ESPN: variants seen among roughly 807,000 people sequenced by gnomAD.
ESPN encodes the protein autosomal recessive deafness type 36 protein.
In ESPN, 68 loss-of-function variants were observed where a neutral mutation model predicts 77.7. The ratio of observed to expected loss-of-function variants is 0.87; its 90% confidence interval spans 0.72 to 1.07. The LOEUF (loss-of-function observed/expected upper bound fraction) is 1.07, where lower values mean the gene tolerates loss of function less well. ESPN is among the 50% of genes least tolerant of loss of function. ESPN has a pLI of 0.00. For missense variants in ESPN, 1,060 were observed against 1,239.0 expected, an observed-to-expected ratio of 0.86 and a Z score of 2.17; for synonymous variants, 449 against 567.1, an observed-to-expected ratio of 0.79 and a Z score of 2.96.
Position 6,424,998 on chromosome 1 carries a change from C to G in ESPN, c.43C>G (p.Leu15Val). Residue 15 changes from leucine (L) to valine (V), a missense_variant, in exon 1 of 13, where the codon CTG becomes GTG. Physicochemically the swap from Leu to Val is conservative, Grantham distance 32. This residue lies in a region of ESPN where 556 missense variants were observed against 633.6 expected (regional missense o/e 0.88). Transcript: ENST00000645284. Reference sequence around the variant, plus strand: ...GCTGCAGGCGGCGCGGCAGGGCGAGCTGGACGTGCTGAGGTCGCTGCACGC... The same window carrying G: ...GCTGCAGGCGGCGCGGCAGGGCGAGGTGGACGTGCTGAGGTCGCTGCACGC... The part of the protein sequence containing the change: ...QALQAARQGE[L>V]DVLRSLHAAG... The G allele has an allele frequency of 1.4e-6, 2 of 1,463,226 alleles. No individual in the cohort carries two copies. The highest frequency in any genetic ancestry group is 1.8e-6 in the Non-Finnish European group (2 of 1,113,096). The allele number at this position is 1,463,226 out of a possible 1,614,324, so 90.6% of individuals were successfully genotyped here.
intron 10 of ESPN, chr1:6,454,355 A>C (rs1258346685): frequency 5.0e-6 from 2 of 398,486 alleles, no homozygotes; most frequent in African/African-American, 4.1e-5. Flanking sequence ...GGGACATGCA[A>C]AAGGCTCCCG....
rs1394345093 is a variant in ESPN at position 6,447,188 on chromosome 1, G to A, written c.1464+1253G>A. Reference sequence around the variant, plus strand: ...CTCCGGGCTGTGTGCGCCCCTCCCGGCTGTGTGCGCCCCTCCCCACTGTGT... The same window carrying A: ...CTCCGGGCTGTGTGCGCCCCTCCCGACTGTGTGCGCCCCTCCCCACTGTGT... On this transcript the variant is annotated intron_variant, in intron 7 of 12. Coordinates refer to ENST00000645284, the MANE Select transcript of ESPN (RefSeq NM_031475.3). The surrounding 1 kb of genome is among the most constrained non-coding windows in gnomAD (Gnocchi z 5.2). 1 of 153,182 alleles carries A rather than the reference G, an allele frequency of 6.5e-6. No individual in the cohort carries two copies. The highest frequency in any genetic ancestry group is 1.9e-4 in the East Asian group (1 of 5,194). The allele number at this position is 153,182 out of a possible 1,614,324, so 9.5% of individuals were successfully genotyped here.
intron 3 of ESPN, 90 bp downstream of exon 3, chr1:6,440,530 C>T (rs1236838412): frequency 7.8e-5 from 13 of 166,232 alleles, no homozygotes; most frequent in Admixed American, 2.8e-4. Flanking sequence ...AGGGGTGGGG[C>T]GGGGGGGCGG....
chr1:6,447,881 G>C lies in ESPN; in HGVS notation c.1465-760G>C, dbSNP rs914772799. 3.3e-5 allele frequency among the ~76,000 whole-genome samples: 5 copies of C among 152,332 alleles called. No individual in the cohort carries two copies. Among genetic ancestry groups the C allele is most frequent in the South Asian group, 2.1e-4 (1 of 4,828 alleles). ...GGCGGGGTCACATCTGGCCGGGGAC[G>C]GGTGCAGAGCCGCGGCCAGGTGTGG... On this transcript the variant is annotated intron_variant, in intron 7 of 12. Transcript: ENST00000645284. This position sits in a 1 kb window ranked among gnomAD's most constrained non-coding sequence, Gnocchi z 5.2.
At chr1:6,435,016 TTGCAGGCAAC>T (rs1334844621) in intron 2 of ESPN, among the ~76,000 whole-genome samples, 1 of 150,494 alleles carries the variant, frequency 6.6e-6, no homozygotes, top group East Asian at 2.0e-4. Context: ...GCTGGGAGAG[TTGCAGGCAAC>T]TGTAGGCTTC....
At chr1:6,452,480 A>G (rs1251382599) in intron 10 of ESPN, among the ~76,000 whole-genome samples, 2 of 152,128 alleles carry the variant, frequency 1.3e-5, no homozygotes, top group Non-Finnish European at 2.9e-5. Context: ...GCAGGGTGGT[A>G]CAACCCTGTT....
Position 6,427,653 on chromosome 1 carries a change from G to A in ESPN, c.295-573G>A, listed in dbSNP as rs116639344. Among the ~76,000 whole-genome samples, 1,833 of 152,332 alleles carry A rather than the reference G, an allele frequency of 0.012. 40 individuals are homozygous for A. Among genetic ancestry groups the A allele is most frequent in the African/African-American group, 0.042 (1,737 of 41,568 alleles). ...TGGCGAGTCTGCTGGGGGAGGGGCC[G>A]GTTTTCTGCACTGAGGTTGGGTTCC... On this transcript the variant is annotated intron_variant, in intron 1 of 12. Coordinates refer to ENST00000645284, the MANE Select transcript of ESPN (RefSeq NM_031475.3). This position sits in a 1 kb window ranked among gnomAD's most constrained non-coding sequence, Gnocchi z 4.6.
chr1:6,431,562 C>T (rs199853980), intron 2 of ESPN, among the ~76,000 whole-genome samples: 7 of 127,796 alleles, frequency 5.5e-5, no homozygotes, highest in Admixed American at 9.4e-5. Flanking sequence ...ACCAGGGAGG[C>T]GGAGGTTGCA....
chr1:6,455,500 G>C (rs919837930), intron 10 of ESPN: 3 of 397,822 alleles, frequency 7.5e-6, no homozygotes, highest in Non-Finnish European at 1.3e-5. Context: ...CAGGCGGTGG[G>C]CAAGCTGCTG....
In ESPN at chr1:6,432,818, G is replaced by T. The variant is rs902797081; in HGVS notation, c.488+4399G>T. 2.6e-5 allele frequency among the ~76,000 whole-genome samples: 4 copies of T among 152,198 alleles called. No homozygotes were observed. The South Asian group carries it at 8.3e-4, about 31-fold the overall frequency. On this transcript the variant is annotated intron_variant, in intron 2 of 12. Coordinates refer to ENST00000645284, the MANE Select transcript of ESPN (RefSeq NM_031475.3). ...GGCCTTCACCCGTCCATGTCCACCCGCAGCCTTTGAAAACACAAGTCCTGC... is the reference window on the plus strand; with the variant it reads ...GGCCTTCACCCGTCCATGTCCACCCTCAGCCTTTGAAAACACAAGTCCTGC...
rs777181136 is a variant in ESPN, at chr1:6,460,079, A to C, written c.2498A>C (p.Asp833Ala). The C allele has an allele frequency of 1.2e-6, 2 of 1,613,504 alleles. No homozygotes were observed. Among genetic ancestry groups the C allele is most frequent in the Non-Finnish European group, 1.7e-6 (2 of 1,180,028 alleles). ...QSEKLRTLGY[D>A]ESKLAPWQRQ... The stretch of plus-strand genomic sequence containing the variant: ...GAGAAGCTGCGGACGCTGGGCTACG[A>C]TGAGAGCAAGCTGGCGCCCTGGCAG... Residue 833 changes from aspartate to alanine, a missense_variant, in exon 13 of 13, where the codon GAT becomes GCT. Physicochemically the swap from Asp to Ala is moderately radical, Grantham distance 126. Transcript: ENST00000645284.
chr1:6,459,866 G>A, intron 12 of ESPN, 133 bp from the exon 13 acceptor site: 1 of 1,063,104 alleles, frequency 9.4e-7, no homozygotes, highest in Non-Finnish European at 1.4e-6. Context: ...CAGCAACCGA[G>A]CCCCAGCCCT....
At position 6,450,933 on chromosome 1, in the gene ESPN, A is replaced by G. The variant is rs1643933021; in HGVS notation, c.1916-670A>G. 6.6e-6 allele frequency among the ~76,000 whole-genome samples: 1 copy of G among 152,070 alleles called. No individual in the cohort carries two copies. On this transcript the variant is annotated intron_variant, in intron 8 of 12. Transcript: ENST00000645284. This position sits in a 1 kb window ranked among gnomAD's most constrained non-coding sequence, Gnocchi z 4.3. ...CACACTCTGCCCTGGGTGTTTCCAT[A>G]TTATCCGCCTGCCCTTCCTCCTGGG...
rs1432995307 is a variant in ESPN at position 6,427,250 on chromosome 1, T to C, written c.295-976T>C. Among the ~76,000 whole-genome samples, 1 of 152,042 alleles carries C rather than the reference T, an allele frequency of 6.6e-6. No individual in the cohort carries two copies. The highest frequency in any genetic ancestry group is 2.4e-5 in the African/African-American group (1 of 41,402). On this transcript the variant is annotated intron_variant, in intron 1 of 12. Coordinates refer to ENST00000645284, the MANE Select transcript of ESPN (RefSeq NM_031475.3). This position sits in a 1 kb window ranked among gnomAD's most constrained non-coding sequence, Gnocchi z 4.6. ...CAGAACCCTGCCCACCCCTCTGTCATCCTATGTGCTTGGTGCTGGGAGGTG... is the reference window on the plus strand; with the variant it reads ...CAGAACCCTGCCCACCCCTCTGTCACCCTATGTGCTTGGTGCTGGGAGGTG...
rs1025386969 is a variant in ESPN, at chr1:6,455,151, A to ACCCTGGGCC, written c.2326-2031_2326-2023dup. On this transcript the variant is annotated intron_variant, in intron 10 of 12. Transcript: ENST00000645284. ...GCTGGTCGACTGGGAGCCCCTGGGC[A>ACCCTGGGCC]CCCTGGGCCCGCCCGAGGTACAGGA... 30 of 388,314 alleles carry ACCCTGGGCC rather than the reference A, an allele frequency of 7.7e-5. No individual in the cohort carries two copies. In the Admixed American group the frequency reaches 9.9e-4, roughly 13 times the overall value. 24.1% of individuals were successfully genotyped at this position (388,314 alleles called of 1,614,324 possible).
chr1:6,445,832 G>A lies in ESPN; in HGVS notation c.1361G>A (p.Gly454Asp), dbSNP rs1302703319. The A allele has an allele frequency of 7.3e-7, 1 of 1,360,550 alleles. No individual in the cohort carries two copies. The highest frequency in any genetic ancestry group is 9.7e-7 in the Non-Finnish European group (1 of 1,032,156). The allele number at this position is 1,360,550 out of a possible 1,614,324, so 84.3% of individuals were successfully genotyped here. A position where few individuals can be genotyped will look rare whatever the true frequency, so the allele number is the denominator to read the frequency against. ...PGTQLPPPPP[G>D]YPAPKPPVGP... ...ACCCAACTGCCCCCACCCCCACCTG[G>A]CTACCCAGCTCCCAAGCCTCCTGTA... The change falls in exon 7 of 13, where the codon GGC (glycine) becomes GAC (aspartate). Residue 454 changes from glycine to aspartate, a missense_variant. Gly to Asp is a moderately conservative substitution (Grantham distance 94). Transcript: ENST00000645284.
intron 10 of ESPN, chr1:6,456,034 C>T (rs1042647784): frequency 2.8e-5 from 11 of 396,718 alleles, no homozygotes; most frequent in Middle Eastern, 6.2e-4. Context: ...CCGCCCGCCG[C>T]GCCTCCCCCG....
In ESPN at chr1:6,451,506, A is replaced by G; in HGVS notation, c.1916-97A>G. 5 of 1,519,588 alleles carry G rather than the reference A, an allele frequency of 3.3e-6. No homozygotes were observed. Among genetic ancestry groups the G allele is most frequent in the South Asian group, 1.2e-5 (1 of 83,778 alleles). 94.1% of individuals were successfully genotyped at this position (1,519,588 alleles called of 1,614,324 possible). On this transcript the variant is annotated intron_variant, in intron 8 of 12. Coordinates refer to ENST00000645284, the MANE Select transcript of ESPN (RefSeq NM_031475.3). This position sits in a 1 kb window ranked among gnomAD's most constrained non-coding sequence, Gnocchi z 4.3. ...TGGCCCGGAGGATGGGCACCCATCC[A>G]ATCTTGGCTTAGGAAAGGGGCTGCA...
At chr1:6,456,461 G>C (rs757958005) in intron 10 of ESPN, 95 of 285,140 alleles carry the variant, frequency 3.3e-4, no homozygotes, top group Non-Finnish European at 5.2e-4. Context: ...GCTCTGTGTG[G>C]AGCCAGGCAG....
Sources: allele counts gnomAD v4.1 joint callset (sites outside exome capture counted in the v4.1 genomes callset), GRCh38; gene constraint gnomAD v4.1.1; regional missense constraint gnomAD v4.1.1; non-coding constraint Gnocchi (gnomAD v3.1); transcripts MANE v1.5; gene names NCBI Gene and HGNC (gene_info 2026-07-23, HGNC 2026-07-21).